Variants in LEPROTL1 observed in about 807,000 individuals in gnomAD.
The protein encoded by LEPROTL1 is leptin receptor overlapping transcript-like 1.
LEPROTL1 carries 6 observed loss-of-function variants against 15.4 expected under a neutral mutation model. The ratio of observed to expected loss-of-function variants is 0.39; its 90% confidence interval spans 0.21 to 0.77. LEPROTL1 has a LOEUF of 0.77. Among genes scored for constraint, LEPROTL1 ranks in the 30% least tolerant of loss-of-function variants. The pLI is 0.41. For missense variants in LEPROTL1, 128 were observed against 158.1 expected (o/e 0.81, Z 1.02); for synonymous variants, 56 against 52.6 (o/e 1.06, Z -0.28).
chr8:30,121,872 T>A (rs1031711830), intron 3 of LEPROTL1, among the ~76,000 whole-genome samples: 5 of 151,022 alleles, frequency 3.3e-5, no homozygotes, highest in Admixed American at 1.3e-4. Context: ...TTTTTATCTT[T>A]AAAAAAAAAT....
At chr8:30,104,584 GACAT>G in intron 3 of LEPROTL1, 98 bp downstream of exon 3, 1 of 677,872 alleles carries the variant, frequency 1.5e-6, no homozygotes, top group South Asian at 3.2e-5. Context: ...AGAGGTGAAA[GACAT>G]AAGAGCCTAG....
At chr8:30,123,417 A>G (rs1585476008) in intron 3 of LEPROTL1, among the ~76,000 whole-genome samples, 1 of 152,368 alleles carries the variant, frequency 6.6e-6, no homozygotes, top group East Asian at 1.9e-4. Context: ...GCAATCTGCC[A>G]CAACAATATT....
At chr8:30,100,554 A>G (rs1256595725) in intron 1 of LEPROTL1, among the ~76,000 whole-genome samples, 3 of 152,172 alleles carry the variant, frequency 2.0e-5, no homozygotes, top group Non-Finnish European at 4.4e-5. Context: ...GGTTCAAGCA[A>G]TTCTCCTGCC....
chr8:30,137,987 C>T (rs528336673), downstream of LEPROTL1: 2 of 179,560 alleles, frequency 1.1e-5, no homozygotes, highest in Admixed American at 5.4e-5. Context: ...ACTACCCAGA[C>T]CGATAAACTG....
intron 3 of LEPROTL1, among the ~76,000 whole-genome samples, chr8:30,124,626 C>T (rs886364139): frequency 6.6e-6 from 1 of 151,924 alleles, no homozygotes; most frequent in Non-Finnish European, 1.5e-5. Flanking sequence ...CTTTCAAAGT[C>T]GGTTCATTTG....
At chr8:30,098,759 A>G (rs988343203) in intron 1 of LEPROTL1, among the ~76,000 whole-genome samples, 1 of 152,192 alleles carries the variant, frequency 6.6e-6, no homozygotes, top group Non-Finnish European at 1.5e-5. Flanking sequence ...TGCTACATTC[A>G]TTCCACAAAT....
chr8:30,095,489 G>A lies in LEPROTL1; in HGVS notation c.-24G>A, dbSNP rs1378959579. The stretch of plus-strand genomic sequence containing the variant: ...TGCTGCCGCCGCCGCCTCGGGTCGT[G>A]GAGCCAGGAGCGACGTCACCGCCAT... On this transcript the variant is annotated 5_prime_UTR_variant, in exon 1 of 4. Transcript: ENST00000321250. The A allele has an allele frequency of 1.4e-6, 2 of 1,462,854 alleles. No homozygotes were observed. Among genetic ancestry groups the A allele is most frequent in the Non-Finnish European group, 1.8e-6 (2 of 1,111,548 alleles). The allele number at this position is 1,462,854 out of a possible 1,614,324, so 90.6% of individuals were successfully genotyped here. A position where few individuals can be genotyped will look rare whatever the true frequency, so the allele number is the denominator to read the frequency against.
chr8:30,117,321 C>CTT, intron 3 of LEPROTL1: 1 of 698,676 alleles, frequency 1.4e-6, no homozygotes, highest in Non-Finnish European at 2.4e-6. Flanking sequence ...GACCCTGTTT[C>CTT]TTTTTTTTTT....
chr8:30,125,678 C>T (rs1008220094), intron 3 of LEPROTL1, among the ~76,000 whole-genome samples: 2 of 152,244 alleles, frequency 1.3e-5, no homozygotes, highest in East Asian at 1.9e-4. Context: ...CCTGTTATGG[C>T]GTACTAGGAA....
At position 30,108,272 on chromosome 8, in the gene LEPROTL1, G is replaced by A. The variant is rs1401210771; in HGVS notation, c.*2410G>A. On this transcript the variant is annotated 3_prime_UTR_variant, in exon 4 of 4. Transcript: ENST00000321250. Reference sequence around the variant, plus strand: ...AATTTTGAGCTGTAGTAAAAGGATTGGTAATCTGGGAAGTAGAATTTTTAC... The same window carrying A: ...AATTTTGAGCTGTAGTAAAAGGATTAGTAATCTGGGAAGTAGAATTTTTAC... 1.3e-5 allele frequency: 2 copies of A among 153,418 alleles called. No homozygotes were observed. The highest frequency in any genetic ancestry group is 3.9e-4 in the East Asian group (2 of 5,184). The allele number at this position is 153,418 out of a possible 1,614,324, so 9.5% of individuals were successfully genotyped here.
At chr8:30,126,971 C>T (rs924134266) in intron 3 of LEPROTL1, among the ~76,000 whole-genome samples, 23 of 151,534 alleles carry the variant, frequency 1.5e-4, no homozygotes, top group African/African-American at 4.9e-4. Flanking sequence ...ACCCAGGAGG[C>T]GGAGGTTGCA....
intron 3 of LEPROTL1, among the ~76,000 whole-genome samples, chr8:30,118,625 A>G (rs1201832988): frequency 9.2e-5 from 14 of 152,232 alleles, no homozygotes; most frequent in Admixed American, 7.8e-4. Flanking sequence ...GTATAGAGTT[A>G]GAACAGTGGG....
At position 30,137,151 on chromosome 8, in the gene LEPROTL1, G is replaced by A. The variant is rs79762909; in HGVS notation, c.395-121G>A. 4.4e-3 allele frequency: 3,471 copies of A among 781,136 alleles called. 78 individuals are homozygous for A. In the African/African-American group the frequency reaches 0.051, roughly 11 times the overall value. The allele number at this position is 781,136 out of a possible 1,614,324, so 48.4% of individuals were successfully genotyped here. A position where few individuals can be genotyped will look rare whatever the true frequency, so the allele number is the denominator to read the frequency against. On this transcript the variant is annotated intron_variant, in intron 4 of 4. Transcript: ENST00000442880. ...CCTGAAGCCAATTGTGATCACCAGA[G>A]AGAGCCAGGAACATGAGATCTCCAG...
intron 1 of LEPROTL1, 103 bp from the exon 2 acceptor site, chr8:30,101,795 A>T: frequency 4.8e-6 from 3 of 621,688 alleles, no homozygotes; most frequent in African/African-American, 1.9e-5. Flanking sequence ...AATACGTTTT[A>T]GGGATTTTTG....
chr8:30,101,187 A>G (rs1425642824), intron 1 of LEPROTL1, among the ~76,000 whole-genome samples: 1 of 152,200 alleles, frequency 6.6e-6, no homozygotes, highest in East Asian at 1.9e-4. Flanking sequence ...TGAGGTTTCT[A>G]AAGTCCAGTA....
At position 30,095,449 on chromosome 8, in the gene LEPROTL1, T is replaced by A; in HGVS notation, c.-64T>A. 1 of 1,452,104 alleles carries A rather than the reference T, an allele frequency of 6.9e-7. No homozygotes were observed. 90.0% of individuals were successfully genotyped at this position (1,452,104 alleles called of 1,614,324 possible). ...TCTGGCCGCCGTAGCGCGTCTTGGG[T>A]CTCCCGGCTGCCGCTGCTGCCGCCG... is the stretch of plus-strand genomic sequence containing the variant. On this transcript the variant is annotated 5_prime_UTR_variant, in exon 1 of 4. Coordinates refer to ENST00000321250, the MANE Select transcript of LEPROTL1 (RefSeq NM_015344.3).
At chr8:30,097,854 G>GT (rs984331764) in intron 1 of LEPROTL1, among the ~76,000 whole-genome samples, 32 of 141,288 alleles carry the variant, frequency 2.3e-4, no homozygotes, top group Non-Finnish European at 4.3e-4. Context: ...TTTTAAAATT[G>GT]TTTTTTGATA....
At chr8:30,120,702 C>A (rs972382689) in intron 3 of LEPROTL1, among the ~76,000 whole-genome samples, 1 of 151,960 alleles carries the variant, frequency 6.6e-6, no homozygotes, top group African/African-American at 2.4e-5. Flanking sequence ...GGCTAATTTT[C>A]GTATTTCTTT....
intron 3 of LEPROTL1, among the ~76,000 whole-genome samples, chr8:30,131,117 G>A (rs571311715): frequency 3.5e-4 from 53 of 150,804 alleles, no homozygotes; most frequent in Middle Eastern, 3.5e-3. Flanking sequence ...TAGCAGATGG[G>A]GTCTCCCTCT....
Sources: allele counts gnomAD v4.1 joint callset (sites outside exome capture counted in the v4.1 genomes callset), GRCh38; gene constraint gnomAD v4.1.1; transcripts MANE v1.5; gene names NCBI Gene and HGNC (gene_info 2026-07-23, HGNC 2026-07-21).